SMOC2: variants seen among roughly 807,000 people sequenced by gnomAD.
The protein encoded by SMOC2 is SPARC-related modular calcium-binding protein 2.
In SMOC2, 39 loss-of-function variants were observed where a neutral mutation model predicts 61.4. The observed-to-expected ratio is 0.64, with a 90% CI of 0.49 to 0.83. The LOEUF (loss-of-function observed/expected upper bound fraction) is 0.83. Among genes scored for constraint, SMOC2 ranks in the 40% least tolerant of loss-of-function variants. The probability of loss-of-function intolerance (pLI) is 0.00; values close to 1 mark genes in which losing one functional copy is unlikely to be tolerated. For missense variants in SMOC2, 556 were observed against 592.9 expected (o/e 0.94, Z 0.65); for synonymous variants, 247 against 239.9 (o/e 1.03, Z -0.27).
chr6:168,470,606 G>A (rs1781948905), intron 1 of SMOC2, among the ~76,000 whole-genome samples: 1 of 152,156 alleles, frequency 6.6e-6, no homozygotes, highest in Non-Finnish European at 1.5e-5. Flanking sequence ...GAACCCAGGA[G>A]GCTGAGGTTG....
rs55802808 is a variant in SMOC2 at position 168,475,205 on chromosome 6, G to C, written c.84+33751G>C. Among the ~76,000 whole-genome samples the C allele has an allele frequency of 6.6e-6, 1 of 151,908 alleles. No homozygotes were observed. Among genetic ancestry groups the C allele is most frequent in the African/African-American group, 2.4e-5 (1 of 41,410 alleles). ...CCCTGCTGTGGGTGATCTGGGGCTC[G>C]TTGGCCTCACCCTTGCTTTGGAGAA... On this transcript the variant is annotated intron_variant, in intron 1 of 12. Coordinates refer to ENST00000356284, the MANE Select transcript of SMOC2 (RefSeq NM_001166412.2). The surrounding 1 kb of genome is among the most constrained non-coding windows in gnomAD (Gnocchi z 4.6).
chr6:168,541,222 G>A (rs1783871286), intron 4 of SMOC2, among the ~76,000 whole-genome samples: 1 of 152,194 alleles, frequency 6.6e-6, no homozygotes, highest in African/African-American at 2.4e-5. Context: ...ACAAATGGGA[G>A]CAATTCAGAT....
chr6:168,503,967 C>G (rs944093895), intron 1 of SMOC2, among the ~76,000 whole-genome samples: 2 of 152,162 alleles, frequency 1.3e-5, no homozygotes, highest in African/African-American at 4.8e-5. Context: ...TCCTTGTTTT[C>G]TGTTTGAACC....
chr6:168,515,167 A>C (rs1430189487), intron 2 of SMOC2, among the ~76,000 whole-genome samples: 1 of 152,228 alleles, frequency 6.6e-6, no homozygotes, highest in Non-Finnish European at 1.5e-5. Context: ...TATACCATAA[A>C]TTATGACACA....
intron 2 of SMOC2, among the ~76,000 whole-genome samples, chr6:168,513,128 A>C (rs1783048578): frequency 6.6e-6 from 1 of 152,240 alleles, no homozygotes; most frequent in Non-Finnish European, 1.5e-5. Flanking sequence ...CACACATTGA[A>C]ACTTTGACTA....
chr6:168,642,209 TAGA>T (rs1483747982), intron 9 of SMOC2, among the ~76,000 whole-genome samples: 3 of 152,112 alleles, frequency 2.0e-5, no homozygotes, highest in Admixed American at 6.5e-5. Context: ...AGCCACAGGG[TAGA>T]AGAAGATTTA....
chr6:168,611,499 CCG>C (rs1785863261), intron 9 of SMOC2, among the ~76,000 whole-genome samples: 1 of 115,884 alleles, frequency 8.6e-6, no homozygotes, highest in African/African-American at 3.6e-5. Context: ...ACCGTGGCTC[CCG>C]TGTCGGGCCT....
Position 168,654,344 on chromosome 6 carries a change from A to C in SMOC2, c.1285+1116A>C, listed in dbSNP as rs1317558505. On this transcript the variant is annotated intron_variant, in intron 11 of 12. Coordinates refer to ENST00000356284, the MANE Select transcript of SMOC2 (RefSeq NM_001166412.2). ...CCAACCAAATGTTAGGAACTCACCA[A>C]CCCTCTACCTGAGCTCCAACCAAAT... Among the ~76,000 whole-genome samples the C allele has an allele frequency of 1.5e-3, 62 of 40,894 alleles. 1 individual carries two copies. Among genetic ancestry groups the C allele is most frequent in the African/African-American group, 3.3e-3 (47 of 14,214 alleles). 26.8% of individuals were successfully genotyped at this position (40,894 alleles called of 152,430 possible). A position where few individuals can be genotyped will look rare whatever the true frequency, so the allele number is the denominator to read the frequency against.
At chr6:168,598,380 G>A (rs1333727133) in intron 7 of SMOC2, among the ~76,000 whole-genome samples, 2 of 152,208 alleles carry the variant, frequency 1.3e-5, no homozygotes, top group Non-Finnish European at 2.9e-5. Flanking sequence ...ACCTTGCCCT[G>A]GGGCCCGCTC....
Position 168,652,204 on chromosome 6 carries a change from A to G in SMOC2, c.1011-750A>G, listed in dbSNP as rs141122438. Reference sequence around the variant, plus strand: ...ACTAAACTAAATTGCAAACTAAACTAAATGCAAACTAAAATTGATGGCAGT... The same window carrying G: ...ACTAAACTAAATTGCAAACTAAACTGAATGCAAACTAAAATTGATGGCAGT... On this transcript the variant is annotated intron_variant, in intron 10 of 12. Transcript: ENST00000356284. Among the ~76,000 whole-genome samples the G allele has an allele frequency of 1.9e-3, 285 of 152,324 alleles. 3 individuals carry two copies. The highest frequency in any genetic ancestry group is 6.6e-3 in the African/African-American group (273 of 41,586).
intron 7 of SMOC2, among the ~76,000 whole-genome samples, chr6:168,559,431 A>G (rs1784339825): frequency 6.6e-6 from 1 of 151,996 alleles, no homozygotes; most frequent in South Asian, 2.1e-4. Context: ...CTCTAGCCTG[A>G]GTGACAGAGT....
At chr6:168,659,259 TTTG>T in intron 11 of SMOC2, among the ~76,000 whole-genome samples, 1 of 152,138 alleles carries the variant, frequency 6.6e-6, no homozygotes, top group South Asian at 2.1e-4. Flanking sequence ...GAAAAGATAA[TTTG>T]TTACTCACAG....
chr6:168,656,522 A>G (rs558984615), intron 11 of SMOC2, among the ~76,000 whole-genome samples: 30 of 142,398 alleles, frequency 2.1e-4, no homozygotes, highest in African/African-American at 7.7e-4. Flanking sequence ...AAAAAAAAAA[A>G]AAAAAAAAGA....
intron 9 of SMOC2, among the ~76,000 whole-genome samples, chr6:168,616,682 G>A (rs988774189): frequency 3.9e-5 from 6 of 152,192 alleles, no homozygotes; most frequent in Admixed American, 6.5e-5. Context: ...TTTAGGAAGC[G>A]TAACAGTGAA....
At chr6:168,621,795 G>T (rs572806931) in intron 9 of SMOC2, among the ~76,000 whole-genome samples, 1 of 152,166 alleles carries the variant, frequency 6.6e-6, no homozygotes, top group Non-Finnish European at 1.5e-5. Context: ...ACCTCCACCT[G>T]GTCCTACCTT....
chr6:168,664,977 A>G, intron 12 of SMOC2: 1 of 355,324 alleles, frequency 2.8e-6, no homozygotes, highest in South Asian at 2.1e-5. Flanking sequence ...GGCGGCCAGC[A>G]CACACCTTGG....
At chr6:168,519,768 C>T (rs1320014275) in intron 2 of SMOC2, among the ~76,000 whole-genome samples, 3 of 152,070 alleles carry the variant, frequency 2.0e-5, no homozygotes, top group Non-Finnish European at 4.4e-5. Flanking sequence ...TCATCCATTT[C>T]GATCTGTTGC....
At chr6:168,558,037 C>T (rs756712578) in intron 7 of SMOC2, among the ~76,000 whole-genome samples, 35 of 152,164 alleles carry the variant, frequency 2.3e-4, no homozygotes, top group Non-Finnish European at 4.7e-4. Flanking sequence ...GGAGAGGCCC[C>T]GTGGCACACA....
At chr6:168,586,796 A>G (rs1433209011) in intron 7 of SMOC2, among the ~76,000 whole-genome samples, 1 of 152,194 alleles carries the variant, frequency 6.6e-6, no homozygotes, top group Non-Finnish European at 1.5e-5. Flanking sequence ...AAATAGAAGT[A>G]GTTTTTGTAG....
Sources: gnomAD v4.1 joint callset for allele counts (sites outside exome capture counted in the v4.1 genomes callset) on GRCh38, gnomAD v4.1.1 for gene constraint, Gnocchi (gnomAD v3.1) non-coding constraint, MANE v1.5 for transcripts, NCBI Gene and HGNC (gene_info 2026-07-23, HGNC 2026-07-21) for gene names.